The following CNTLN variants were observed in gnomAD, a reference collection of about 807,000 sequenced individuals.
The protein encoded by CNTLN is centlein, centrosomal protein.
CNTLN carries 212 observed loss-of-function variants against 180.0 expected under a neutral mutation model. That is an observed-to-expected ratio of 1.18 (90% CI 1.05 to 1.32). The LOEUF (loss-of-function observed/expected upper bound fraction) is 1.32, where lower values mean the gene tolerates loss of function less well. Ranked by LOEUF, CNTLN falls within the 40% of genes most tolerant of loss-of-function variation. CNTLN has a pLI of 0.00. For synonymous variants in CNTLN, 722 were observed against 563.1 expected, an observed-to-expected ratio of 1.28 and a Z score of -3.99; for missense variants, 2,095 against 1,610.9, an observed-to-expected ratio of 1.30 and a Z score of -5.14.
At chr9:17,469,391 T>C (rs1408095023) in intron 23 of CNTLN, among the ~76,000 whole-genome samples, 1 of 151,758 alleles carries the variant, frequency 6.6e-6, no homozygotes, top group East Asian at 1.9e-4. Flanking sequence ...TTTTCAAATA[T>C]AGGGCCACCA....
At chr9:17,522,974 G>A in the CNTLN span, among the ~76,000 whole-genome samples, 1 of 151,896 alleles carries the variant, frequency 6.6e-6, no homozygotes, top group Non-Finnish European at 1.5e-5. Flanking sequence ...AGCTTTTTGG[G>A]CTCCAAAAAA....
chr9:17,373,531 A>T (rs1056455216), intron 13 of CNTLN, among the ~76,000 whole-genome samples: 11 of 152,260 alleles, frequency 7.2e-5, no homozygotes, highest in African/African-American at 2.6e-4. Flanking sequence ...ATTGTTAACA[A>T]TATTGTTAAA....
intron 23 of CNTLN, among the ~76,000 whole-genome samples, chr9:17,476,680 C>G (rs181824024): frequency 5.9e-5 from 9 of 152,220 alleles, no homozygotes; most frequent in African/African-American, 2.2e-4. Context: ...AGAGCAGGGC[C>G]CTGTCTTCAG....
At chr9:17,351,816 A>G (rs1207979468) in intron 12 of CNTLN, among the ~76,000 whole-genome samples, 1 of 152,158 alleles carries the variant, frequency 6.6e-6, no homozygotes, top group Non-Finnish European at 1.5e-5. Context: ...TAAAAACTTT[A>G]AGTATCTTTC....
At chr9:17,383,937 C>T (rs1825472840) in intron 13 of CNTLN, among the ~76,000 whole-genome samples, 1 of 152,032 alleles carries the variant, frequency 6.6e-6, no homozygotes, top group Non-Finnish European at 1.5e-5. Context: ...CTTGCCCGGC[C>T]CGTAACATGA....
chr9:17,464,433 G>A (rs1831626891), intron 20 of CNTLN, 64 bp from the exon 21 acceptor site: 3 of 1,373,288 alleles, frequency 2.2e-6, no homozygotes, highest in Admixed American at 2.7e-5. Context: ...TGGATAAAAT[G>A]TAAGATATCA....
the CNTLN span, among the ~76,000 whole-genome samples, chr9:17,524,805 G>A: frequency 3.3e-5 from 5 of 152,148 alleles, no homozygotes; most frequent in Non-Finnish European, 7.4e-5. Context: ...ACCTTGGCTT[G>A]TATAATACAT....
intron 6 of CNTLN, among the ~76,000 whole-genome samples, chr9:17,292,244 T>A (rs1186070376): frequency 6.6e-6 from 1 of 152,136 alleles, no homozygotes; most frequent in Non-Finnish European, 1.5e-5. Flanking sequence ...TTTTTTCCCT[T>A]CATTTTGACC....
chr9:17,291,062 C>A (rs1312772850), intron 6 of CNTLN, among the ~76,000 whole-genome samples: 1 of 152,138 alleles, frequency 6.6e-6, no homozygotes, highest in Non-Finnish European at 1.5e-5. Flanking sequence ...TCATTATATA[C>A]CCAGGAGTCA....
chr9:17,228,554 T>A (rs1325600692), intron 3 of CNTLN, among the ~76,000 whole-genome samples: 4 of 152,108 alleles, frequency 2.6e-5, no homozygotes, highest in African/African-American at 9.7e-5. Flanking sequence ...GCTTTTTAAA[T>A]CTCTTTGATG....
chr9:17,518,761 C>A, the CNTLN span, among the ~76,000 whole-genome samples: 1 of 152,124 alleles, frequency 6.6e-6, no homozygotes, highest in Non-Finnish European at 1.5e-5. Context: ...TTGTGTAATT[C>A]CCTACCTTCT....
At position 17,354,268 on chromosome 9, in the gene CNTLN, C is replaced by T. The variant is rs542718652; in HGVS notation, c.1886+11824C>T. Among the ~76,000 whole-genome samples, 669 of 152,320 alleles carry T rather than the reference C, an allele frequency of 4.4e-3. 3 individuals are homozygous for T. Among genetic ancestry groups the T allele is most frequent in the Non-Finnish European group, 7.3e-3 (500 of 68,032 alleles). The stretch of plus-strand genomic sequence containing the variant: ...CCGAGCCTCCCCGACGAGCACCACC[C>T]CCTGCTCCAGGGCGCCCAGTCCCGT... On this transcript the variant is annotated intron_variant, in intron 12 of 25. Transcript: ENST00000380647.
intron 11 of CNTLN, 41 bp downstream of exon 11, chr9:17,340,989 A>G: frequency 6.4e-7 from 1 of 1,572,846 alleles, no homozygotes; most frequent in Non-Finnish European, 8.6e-7. Context: ...CTAAATATTA[A>G]ATGGAATGGA....
chr9:17,307,151 T>C (rs1818775214), intron 7 of CNTLN, among the ~76,000 whole-genome samples: 1 of 152,210 alleles, frequency 6.6e-6, no homozygotes, highest in African/African-American at 2.4e-5. Context: ...AAGTATAAAT[T>C]GATGTTCTAA....
chr9:17,354,635 C>A (rs571291143), intron 12 of CNTLN, among the ~76,000 whole-genome samples: 1 of 152,098 alleles, frequency 6.6e-6, no homozygotes, highest in East Asian at 1.9e-4. Context: ...CGTGGAGAAC[C>A]TTTGTATCTA....
At chr9:17,192,554 T>A (rs1471795753) in intron 2 of CNTLN, among the ~76,000 whole-genome samples, 1 of 152,158 alleles carries the variant, frequency 6.6e-6, no homozygotes, top group Non-Finnish European at 1.5e-5. Context: ...GCCCTATTCT[T>A]ATTTTCATTT....
At position 17,149,176 on chromosome 9, in the gene CNTLN, C is replaced by T. The variant is rs561286369; in HGVS notation, c.449+5800C>T. On this transcript the variant is annotated intron_variant, in intron 2 of 25. Coordinates refer to ENST00000380647, the MANE Select transcript of CNTLN (RefSeq NM_017738.4). The stretch of plus-strand genomic sequence containing the variant: ...CCTTTTTTATGTCTGCATAGTATTC[C>T]ATGGTGTATATGTGCCACATTTTCT... Among the ~76,000 whole-genome samples, 9 of 152,286 alleles carry T rather than the reference C, an allele frequency of 5.9e-5. No individual in the cohort carries two copies. The South Asian group carries it at 1.9e-3, about 32-fold the overall frequency.
Position 17,502,724 on chromosome 9 carries a change from A to G in CNTLN, c.*72A>G. 3.8e-6 allele frequency: 2 copies of G among 529,410 alleles called. No individual in the cohort carries two copies. Among genetic ancestry groups the G allele is most frequent in the Non-Finnish European group, 6.6e-6 (2 of 301,964 alleles). 32.8% of individuals were successfully genotyped at this position (529,410 alleles called of 1,614,324 possible). The stretch of plus-strand genomic sequence containing the variant: ...GTGTGATTGGAATACATGCATTGCA[A>G]TCCTGACACGGTATCTGCTCCAACT... On this transcript the variant is annotated 3_prime_UTR_variant, in exon 26 of 26. Transcript: ENST00000380647.
At chr9:17,339,770 A>T (rs149526249) in intron 10 of CNTLN, among the ~76,000 whole-genome samples, 2 of 152,212 alleles carry the variant, frequency 1.3e-5, no homozygotes, top group Non-Finnish European at 2.9e-5. Context: ...TCATGTGCAT[A>T]TATCTTCTGA....
Sources: allele counts gnomAD v4.1 joint callset (sites outside exome capture counted in the v4.1 genomes callset), GRCh38; gene constraint gnomAD v4.1.1; transcripts MANE v1.5; gene names NCBI Gene and HGNC (gene_info 2026-07-23, HGNC 2026-07-21).